BICC1: variants seen among roughly 807,000 people sequenced by gnomAD.
The protein encoded by BICC1 is protein bicaudal C homolog 1.
BICC1 carries 43 observed loss-of-function variants against 111.0 expected under a neutral mutation model. That is an observed-to-expected ratio of 0.39 (90% CI 0.30 to 0.50). BICC1 has a LOEUF of 0.50. Ranked by LOEUF, BICC1 falls within the 20% of genes least tolerant of loss-of-function variation. The pLI, the probability that BICC1 is intolerant of heterozygous loss-of-function variation, is 0.88. For missense variants in BICC1, 1,091 were observed against 1,203.2 expected (o/e 0.91, Z 1.38); for synonymous variants, 467 against 434.4 (o/e 1.07, Z -0.93).
chr10:58,716,149 T>A, intron 3 of BICC1: 1 of 1,502,778 alleles, frequency 6.7e-7, no homozygotes, highest in Non-Finnish European at 9.0e-7. Context: ...AGAATCAGAG[T>A]ATATTGAGGA....
intron 2 of BICC1, among the ~76,000 whole-genome samples, chr10:58,683,191 G>A (rs1441649186): frequency 1.3e-5 from 2 of 152,176 alleles, no homozygotes; most frequent in Non-Finnish European, 2.9e-5. Context: ...TCAGATGGTT[G>A]TAGATGTGTG....
chr10:58,652,810 T>C (rs1016588781), intron 2 of BICC1, among the ~76,000 whole-genome samples: 1 of 152,134 alleles, frequency 6.6e-6, no homozygotes, highest in Non-Finnish European at 1.5e-5. Context: ...CTTAAACTTA[T>C]CTTACACGTG....
At chr10:58,681,877 T>TA (rs397783532) in intron 2 of BICC1, among the ~76,000 whole-genome samples, 11 of 151,848 alleles carry the variant, frequency 7.2e-5, no homozygotes, top group African/African-American at 2.4e-4. Context: ...CTTTTTTTTT[T>TA]AAATTATACT....
chr10:58,529,565 C>A (rs1842628101), intron 1 of BICC1, among the ~76,000 whole-genome samples: 2 of 151,814 alleles, frequency 1.3e-5, no homozygotes, highest in Non-Finnish European at 2.9e-5. Flanking sequence ...TTAGTTATTT[C>A]ATATAATGAT....
chr10:58,539,042 T>C (rs1387844957), intron 1 of BICC1, among the ~76,000 whole-genome samples: 2 of 151,824 alleles, frequency 1.3e-5, no homozygotes, highest in African/African-American at 4.8e-5. Context: ...TGAATTCCAC[T>C]ACTGAGTATC....
At chr10:58,632,975 T>C (rs965647523) in intron 2 of BICC1, among the ~76,000 whole-genome samples, 1 of 152,130 alleles carries the variant, frequency 6.6e-6, no homozygotes, top group African/African-American at 2.4e-5. Context: ...AGTTAGGAGA[T>C]CATATTGTTT....
Position 58,648,746 on chromosome 10 carries a change from T to C in BICC1, c.237+27845T>C, listed in dbSNP as rs117549419. The C allele has an allele frequency of 6.4e-3, 4,719 of 741,778 alleles. 29 individuals carry two copies. Among genetic ancestry groups the C allele is most frequent in the Middle Eastern group, 0.01 (15 of 1,474 alleles). 45.9% of individuals were successfully genotyped at this position (741,778 alleles called of 1,614,324 possible). On this transcript the variant is annotated intron_variant, in intron 2 of 20. Coordinates refer to ENST00000373886, the MANE Select transcript of BICC1 (RefSeq NM_001080512.3). ...TGCTACTTGCTACTCCTGTCTTTTA[T>C]CTTAATCATGATGACTCCTGATCAC...
At chr10:58,673,497 C>T (rs181809858) in intron 2 of BICC1, among the ~76,000 whole-genome samples, 3 of 152,358 alleles carry the variant, frequency 2.0e-5, no homozygotes, top group Non-Finnish European at 4.4e-5. Context: ...GACTATAAAG[C>T]TGTCTGTTCC....
At chr10:58,668,083 G>A (rs1050382725) in intron 2 of BICC1, among the ~76,000 whole-genome samples, 1 of 151,990 alleles carries the variant, frequency 6.6e-6, no homozygotes, top group South Asian at 2.1e-4. Context: ...ATATTTCACG[G>A]TCATCCGGCT....
In BICC1 at chr10:58,702,490, G is replaced by A. The variant is rs373786123; in HGVS notation, c.307+347G>A. On this transcript the variant is annotated intron_variant, in intron 3 of 20. Coordinates refer to ENST00000373886, the MANE Select transcript of BICC1 (RefSeq NM_001080512.3). Reference sequence around the variant, plus strand: ...TTTATATTTCAGGGTTCTTTTTTATGTACTACACAGATTTAATAGCTGGTT... The same window carrying A: ...TTTATATTTCAGGGTTCTTTTTTATATACTACACAGATTTAATAGCTGGTT... Among the ~76,000 whole-genome samples the A allele has an allele frequency of 2.4e-4, 36 of 151,590 alleles. 1 individual carries two copies. Among genetic ancestry groups the A allele is most frequent in the African/African-American group, 8.7e-4 (36 of 41,380 alleles).
chr10:58,563,903 C>CA (rs34333658), intron 1 of BICC1, among the ~76,000 whole-genome samples: 69,863 of 151,860 alleles, frequency 0.46, 17,130 homozygotes, highest in Admixed American at 0.62. Flanking sequence ...TTTGAGTACT[C>CA]AAACACATAT....
chr10:58,821,730 C>T (rs1222076996), intron 20 of BICC1, among the ~76,000 whole-genome samples: 1 of 152,112 alleles, frequency 6.6e-6, no homozygotes, highest in East Asian at 1.9e-4. Flanking sequence ...ATGCATAATT[C>T]CTGCTCATAA....
At chr10:58,750,632 T>A (rs1841958951) in intron 3 of BICC1, among the ~76,000 whole-genome samples, 1 of 152,274 alleles carries the variant, frequency 6.6e-6, no homozygotes, top group Admixed American at 6.5e-5. Flanking sequence ...GAAAGGTGCA[T>A]CCTACAGTCA....
intron 17 of BICC1, among the ~76,000 whole-genome samples, chr10:58,812,207 A>AG (rs5785347): frequency 1 from 152,248 of 152,252 alleles, 76,122 homozygotes; most frequent in Middle Eastern, 1. Context: ...TTGGGGTATT[A>AG]AGATGACACT....
Position 58,709,517 on chromosome 10 carries a change from T to C in BICC1, c.307+7374T>C, listed in dbSNP as rs1840506295. ...GGAGCACGTGGATTTTGTGAATCCGTCTATCCCTAACACTGTAACCAGTTC... is the reference window on the plus strand; with the variant it reads ...GGAGCACGTGGATTTTGTGAATCCGCCTATCCCTAACACTGTAACCAGTTC... On this transcript the variant is annotated intron_variant, in intron 3 of 20. Coordinates refer to ENST00000373886, the MANE Select transcript of BICC1 (RefSeq NM_001080512.3). Among the ~76,000 whole-genome samples the C allele has an allele frequency of 2.6e-5, 4 of 152,344 alleles. No individual in the cohort carries two copies. In the South Asian group the frequency reaches 8.3e-4, roughly 32 times the overall value.
intron 3 of BICC1, among the ~76,000 whole-genome samples, chr10:58,747,280 T>G (rs995642671): frequency 9.9e-5 from 15 of 152,254 alleles, no homozygotes; most frequent in African/African-American, 3.4e-4. Context: ...TGCACCCAAA[T>G]CTTACAAGGT....
rs555765728 is a variant in BICC1, at chr10:58,798,137, A to G, written c.1367-262A>G. On this transcript the variant is annotated intron_variant, in intron 10 of 20. Coordinates refer to ENST00000373886, the MANE Select transcript of BICC1 (RefSeq NM_001080512.3). ...GAATGCAAGCACCTGGTGATGTTCA[A>G]TGACCCTAACTGCCATCCTGGTCTG... 3.6e-4 allele frequency among the ~76,000 whole-genome samples: 55 copies of G among 152,312 alleles called. 1 individual carries two copies. The highest frequency in any genetic ancestry group is 6.9e-4 in the Non-Finnish European group (47 of 68,020).
chr10:58,830,183 G>A lies in BICC1; in HGVS notation c.*1292G>A, dbSNP rs1844516587. ...AAATATATCTTTTTAAGTGGCTAGA[G>A]TCATTATTACAATCTTATACTGTGA... On this transcript the variant is annotated 3_prime_UTR_variant, in exon 21 of 21. Coordinates refer to ENST00000373886, the MANE Select transcript of BICC1 (RefSeq NM_001080512.3). 1 of 152,038 alleles carries A rather than the reference G, an allele frequency of 6.6e-6. No individual in the cohort carries two copies. 9.4% of individuals were successfully genotyped at this position (152,038 alleles called of 1,614,324 possible).
chr10:58,599,919 A>G (rs527483971), intron 1 of BICC1, among the ~76,000 whole-genome samples: 2 of 124,130 alleles, frequency 1.6e-5, no homozygotes, highest in East Asian at 5.4e-4. Context: ...CACAAAATCT[A>G]ACTAAAGAGG....
Sources: allele counts gnomAD v4.1 joint callset (sites outside exome capture counted in the v4.1 genomes callset), GRCh38; gene constraint gnomAD v4.1.1; transcripts MANE v1.5; gene names NCBI Gene and HGNC (gene_info 2026-07-23, HGNC 2026-07-21).